Variants in NUDCD3 observed in about 807,000 individuals in gnomAD.
NUDCD3 encodes the protein nudC domain-containing protein 3.
In NUDCD3, 13 loss-of-function variants were observed where a neutral mutation model predicts 39.7. The observed-to-expected ratio is 0.33, with a 90% confidence interval of 0.21 to 0.52. The LOEUF (loss-of-function observed/expected upper bound fraction) is 0.52. Ranked by LOEUF, NUDCD3 falls within the 20% of genes least tolerant of loss-of-function variation. The pLI is 0.96. For synonymous variants in NUDCD3, 175 were observed against 172.4 expected, an observed-to-expected ratio of 1.02 and a Z score of -0.12; for missense variants, 453 against 458.1, an observed-to-expected ratio of 0.99 and a Z score of 0.10.
chr7:44,443,251 G>A (rs1329641988), intron 2 of NUDCD3, among the ~76,000 whole-genome samples: 1 of 151,818 alleles, frequency 6.6e-6, no homozygotes. Flanking sequence ...AAAAAGAACA[G>A]GTAACAGGTA....
chr7:44,481,075 A>T (rs1251605670), intron 2 of NUDCD3, among the ~76,000 whole-genome samples: 2 of 151,990 alleles, frequency 1.3e-5, no homozygotes, highest in Non-Finnish European at 2.9e-5. Context: ...CTATTTACAT[A>T]GCATTTACAT....
Position 44,379,778 on chromosome 7 carries a change from T to C in NUDCD3, c.*6233A>G, listed in dbSNP as rs772856587. On this transcript the variant is annotated 3_prime_UTR_variant, in exon 6 of 6. Coordinates refer to ENST00000355451, the MANE Select transcript of NUDCD3 (RefSeq NM_015332.4). ...GAGCCTGGTGCCAGGGAAGACAGGC[T>C]GGACCTGGCTGTGGCCCCTTGAATG... The C allele has an allele frequency of 3.3e-5, 5 of 152,340 alleles. No individual in the cohort carries two copies. The highest frequency in any genetic ancestry group is 6.5e-5 in the Admixed American group (1 of 15,276). 9.4% of individuals were successfully genotyped at this position (152,340 alleles called of 1,614,324 possible). A position where few individuals can be genotyped will look rare whatever the true frequency, so the allele number is the denominator to read the frequency against.
At chr7:44,480,342 G>A (rs1424388915) in intron 2 of NUDCD3, among the ~76,000 whole-genome samples, 1 of 151,792 alleles carries the variant, frequency 6.6e-6, no homozygotes, top group South Asian at 2.1e-4. Context: ...ATATAGTAAG[G>A]GACAAAGATA....
intron 3 of NUDCD3, among the ~76,000 whole-genome samples, chr7:44,412,865 T>G (rs1340344315): frequency 7.0e-6 from 1 of 143,514 alleles, no homozygotes; most frequent in Non-Finnish European, 1.5e-5. Context: ...GGGCGGAGCT[T>G]GCAGTGAGCT....
rs577495840 is a variant in NUDCD3 at position 44,452,652 on chromosome 7, A to T, written c.510-24949T>A. Among the ~76,000 whole-genome samples the T allele has an allele frequency of 2.6e-4, 40 of 152,184 alleles. 1 individual carries two copies. Among genetic ancestry groups the T allele is most frequent in the Non-Finnish European group, 4.7e-4 (32 of 68,036 alleles). On this transcript the variant is annotated intron_variant, in intron 2 of 5. Coordinates refer to ENST00000355451, the MANE Select transcript of NUDCD3 (RefSeq NM_015332.4). ...CTAAATGTTTTTGGGAGAGGAAAAA[A>T]TGGTCATAAGATCACTCATTTGTGA...
At chr7:44,392,222 C>A in intron 5 of NUDCD3, 75 bp downstream of exon 5, 2 of 1,426,670 alleles carry the variant, frequency 1.4e-6, no homozygotes, top group South Asian at 1.3e-5. Flanking sequence ...CATCACCAAC[C>A]CCTCTGCCAC....
intron 4 of NUDCD3, among the ~76,000 whole-genome samples, chr7:44,395,690 C>T (rs903809670): frequency 2.0e-5 from 3 of 152,186 alleles, no homozygotes; most frequent in Non-Finnish European, 4.4e-5. Flanking sequence ...TTGTTTTTGT[C>T]TGGCTTATTT....
At chr7:44,433,065 T>G (rs1799393877) in intron 2 of NUDCD3, among the ~76,000 whole-genome samples, 2 of 152,186 alleles carry the variant, frequency 1.3e-5, no homozygotes, top group African/African-American at 4.8e-5. Context: ...AAGAGCTTCC[T>G]CATCCCTTCC....
chr7:44,418,821 G>A (rs1451399208), intron 3 of NUDCD3, among the ~76,000 whole-genome samples: 5 of 152,182 alleles, frequency 3.3e-5, no homozygotes, highest in African/African-American at 1.2e-4. Flanking sequence ...GAAGTGCAAG[G>A]AGCAGGGGGC....
intron 1 of NUDCD3, among the ~76,000 whole-genome samples, chr7:44,487,569 T>A (rs139260838): frequency 3.9e-5 from 6 of 152,132 alleles, no homozygotes; most frequent in African/African-American, 1.2e-4. Context: ...CTCAGTCTCA[T>A]TCAGTGTTGT....
intron 2 of NUDCD3, among the ~76,000 whole-genome samples, chr7:44,457,759 T>C (rs929177657): frequency 9.2e-5 from 14 of 152,202 alleles, no homozygotes; most frequent in African/African-American, 3.1e-4. Flanking sequence ...CATTTTTAGT[T>C]ACTAGAAAAT....
intron 3 of NUDCD3, among the ~76,000 whole-genome samples, chr7:44,418,327 G>A (rs1387542165): frequency 7.9e-5 from 12 of 152,172 alleles, no homozygotes; most frequent in East Asian, 1.9e-4. Flanking sequence ...CACATGAGAC[G>A]TGTTCCAGGA....
At chr7:44,486,952 T>C (rs1210559833) in intron 1 of NUDCD3, among the ~76,000 whole-genome samples, 1 of 152,124 alleles carries the variant, frequency 6.6e-6, no homozygotes, top group African/African-American at 2.4e-5. Context: ...TAACCTCCAA[T>C]CAATCTTCTC....
At chr7:44,428,255 G>A (rs535639809) in intron 2 of NUDCD3, among the ~76,000 whole-genome samples, 1 of 151,678 alleles carries the variant, frequency 6.6e-6, no homozygotes, top group Admixed American at 6.6e-5. Context: ...GGCTAACATG[G>A]TGAAACCCTG....
At chr7:44,417,319 G>A (rs556411211) in intron 3 of NUDCD3, among the ~76,000 whole-genome samples, 2 of 152,152 alleles carry the variant, frequency 1.3e-5, no homozygotes, top group Admixed American at 1.3e-4. Flanking sequence ...ACACGGTGCC[G>A]ACCACAGGGA....
intron 3 of NUDCD3, among the ~76,000 whole-genome samples, chr7:44,414,151 A>G (rs1389719118): frequency 6.6e-6 from 1 of 152,262 alleles, no homozygotes; most frequent in Non-Finnish European, 1.5e-5. Context: ...GAAGTTTATT[A>G]AAGGGCATTG....
At chr7:44,484,695 T>C (rs1487919772) in intron 2 of NUDCD3, 1 of 370,630 alleles carries the variant, frequency 2.7e-6, no homozygotes, top group Non-Finnish European at 4.9e-6. Flanking sequence ...AGTTAGGTCT[T>C]TGTGAGAGGA....
chr7:44,385,699 C>CTA lies in NUDCD3; in HGVS notation c.*311_*312insTA. ...CAGAGAGCAGGGGAGGAAAGACATG[C>CTA]TGCCTGCAGTGGCTGGTTGCTGTGG... On this transcript the variant is annotated 3_prime_UTR_variant, in exon 6 of 6. Transcript: ENST00000355451. The CTA allele has an allele frequency of 2.7e-6, 1 of 370,062 alleles. No individual in the cohort carries two copies. The highest frequency in any genetic ancestry group is 4.9e-6 in the Non-Finnish European group (1 of 203,278). 22.9% of individuals were successfully genotyped at this position (370,062 alleles called of 1,614,324 possible).
intron 2 of NUDCD3, among the ~76,000 whole-genome samples, chr7:44,471,083 C>T (rs1257491871): frequency 6.6e-6 from 1 of 152,180 alleles, no homozygotes; most frequent in African/African-American, 2.4e-5. Context: ...TCCTGCCTTG[C>T]ATGGTGACGA....
Sources: allele counts gnomAD v4.1 joint callset (sites outside exome capture counted in the v4.1 genomes callset), GRCh38; gene constraint gnomAD v4.1.1; transcripts MANE v1.5; gene names NCBI Gene and HGNC (gene_info 2026-07-23, HGNC 2026-07-21).